The following PDZRN3 variants were observed in gnomAD, a reference collection of about 807,000 sequenced individuals.
PDZRN3 encodes E3 ubiquitin-protein ligase PDZRN3.
A neutral mutation model predicts 85.7 loss-of-function variants in PDZRN3; 38 were observed. The observed-to-expected ratio is 0.44, with a 90% confidence interval of 0.34 to 0.58. PDZRN3 has a LOEUF of 0.58. PDZRN3 is among the 20% of genes least tolerant of loss of function. The pLI is 0.01. For missense variants in PDZRN3, 1,629 were observed against 1,506.4 expected (o/e 1.08, Z -1.35); for synonymous variants, 759 against 638.0 (o/e 1.19, Z -2.86).
At chr3:73,398,521 C>T (rs1378101042) in intron 5 of PDZRN3, among the ~76,000 whole-genome samples, 1 of 152,162 alleles carries the variant, frequency 6.6e-6, no homozygotes, top group Admixed American at 6.5e-5. Context: ...TAGGTGAGAA[C>T]TCTACTTTGA....
Position 73,429,419 on chromosome 3 carries a change from C to T in PDZRN3, c.919-25024G>A, listed in dbSNP as rs541081153. ...GTCATTAATTGGGTCCATACTTAAT[C>T]GAACCGTGACCCATCTGACTCTCAG... On this transcript the variant is annotated intron_variant, in intron 3 of 9. Transcript: ENST00000263666. Among the ~76,000 whole-genome samples the T allele has an allele frequency of 2.6e-5, 4 of 152,158 alleles. No homozygotes were observed. In the South Asian group the frequency reaches 6.2e-4, roughly 24 times the overall value.
intron 1 of PDZRN3, among the ~76,000 whole-genome samples, chr3:73,609,415 G>C (rs1702650964): frequency 6.6e-6 from 1 of 152,128 alleles, no homozygotes. Context: ...GAGATGCCAG[G>C]GAGAGTGTTC....
rs1218849885 is a variant in PDZRN3 at position 73,624,474 on chromosome 3, C to A, written c.352G>T (p.Gly118Cys). The A allele has an allele frequency of 5.7e-6, 8 of 1,393,280 alleles. No homozygotes were observed. In the Admixed American group the frequency reaches 2.5e-4, roughly 44 times the overall value. 86.3% of individuals were successfully genotyped at this position (1,393,280 alleles called of 1,614,324 possible). A position where few individuals can be genotyped will look rare whatever the true frequency, so the allele number is the denominator to read the frequency against. Reference sequence around the variant, plus strand: ...ACGTCGCGCCGCAGCAGCACCTGGCCGCAACCCGCGTGGCGACAGCGCGCG... The same window carrying A: ...ACGTCGCGCCGCAGCAGCACCTGGCAGCAACCCGCGTGGCGACAGCGCGCG... ...APARCRHAGC[G>C]QVLLRRDVEA... is the part of the protein sequence containing the mutation. Residue 118 changes from glycine to cysteine, a missense_variant, in exon 1 of 10, where the codon GGC (glycine) becomes TGC (cysteine). By Grantham distance (159) the Gly-to-Cys change is radical (BLOSUM62 -3). Transcript: ENST00000263666.
chr3:73,474,863 C>G (rs933768979), intron 3 of PDZRN3, among the ~76,000 whole-genome samples: 1 of 152,118 alleles, frequency 6.6e-6, no homozygotes, highest in Non-Finnish European at 1.5e-5. Flanking sequence ...TCCTTCAGCC[C>G]TGGGGTGGCT....
intron 3 of PDZRN3, among the ~76,000 whole-genome samples, chr3:73,575,457 G>C (rs1445452460): frequency 2.0e-5 from 3 of 152,114 alleles, no homozygotes; most frequent in African/African-American, 7.2e-5. Flanking sequence ...TTTTCTCCCA[G>C]AATTTGATCA....
In PDZRN3 at chr3:73,525,606, T is replaced by C. The variant is rs1704504697; in HGVS notation, c.918+76748A>G. Among the ~76,000 whole-genome samples the C allele has an allele frequency of 2.6e-5, 4 of 152,252 alleles. No individual in the cohort carries two copies. The South Asian group carries it at 8.3e-4, about 32-fold the overall frequency. The stretch of plus-strand genomic sequence containing the variant: ...CTTCCAACTGATTGGGAATACGTTT[T>C]AAGCTCAAAGTATTCTTTACCAATA... On this transcript the variant is annotated intron_variant, in intron 3 of 9. Transcript: ENST00000263666.
At chr3:73,436,496 G>C (rs1031078697) in intron 3 of PDZRN3, among the ~76,000 whole-genome samples, 2 of 152,152 alleles carry the variant, frequency 1.3e-5, no homozygotes, top group African/African-American at 4.8e-5. Flanking sequence ...CCAAAGTTGA[G>C]GGCCTTTAAG....
intron 3 of PDZRN3, among the ~76,000 whole-genome samples, chr3:73,411,602 C>G (rs930735900): frequency 6.7e-6 from 1 of 149,540 alleles, no homozygotes; most frequent in African/African-American, 2.6e-5. Flanking sequence ...GTCGGGAGTC[C>G]ACCATAGTGG....
chr3:73,433,575 T>C, intron 3 of PDZRN3: 1 of 1,096,182 alleles, frequency 9.1e-7, no homozygotes, highest in Non-Finnish European at 1.3e-6. Context: ...CTACCTTTCC[T>C]AGAAGTTACA....
chr3:73,421,011 C>T lies in PDZRN3; in HGVS notation c.919-16616G>A, dbSNP rs139969790. Among the ~76,000 whole-genome samples, 175 of 152,290 alleles carry T rather than the reference C, an allele frequency of 1.1e-3. 1 individual carries two copies. Among genetic ancestry groups the T allele is most frequent in the Admixed American group, 6.6e-3 (101 of 15,288 alleles). ...TTATTTATAATACCTAATACAATGC[C>T]TACATCATGGGAATTCAACATAGTA... On this transcript the variant is annotated intron_variant, in intron 3 of 9. Transcript: ENST00000263666.
intron 9 of PDZRN3, among the ~76,000 whole-genome samples, chr3:73,385,238 T>C (rs1377512601): frequency 6.6e-6 from 1 of 152,216 alleles, no homozygotes; most frequent in Non-Finnish European, 1.5e-5. Flanking sequence ...GAAGGATGTA[T>C]AAAGGTCCTT....
intron 5 of PDZRN3, among the ~76,000 whole-genome samples, chr3:73,395,742 C>A (rs1701621950): frequency 6.6e-6 from 1 of 152,222 alleles, no homozygotes; most frequent in South Asian, 2.1e-4. Context: ...TTAAAGACTG[C>A]ATTTTCCCTC....
rs1472098094 is a variant in PDZRN3 at position 73,404,080 on chromosome 3, TAGAAG to T, written c.1166+63_1166+67del. 3.4e-6 allele frequency: 5 copies of T among 1,489,426 alleles called. 1 individual carries two copies. In the South Asian group the frequency reaches 3.9e-5, roughly 12 times the overall value. 92.3% of individuals were successfully genotyped at this position (1,489,426 alleles called of 1,614,324 possible). On this transcript the variant is annotated intron_variant, in intron 4 of 9. Transcript: ENST00000263666. The stretch of plus-strand genomic sequence containing the variant: ...GGGTGCATTAATTTTTTTCACCACA[TAGAAG>T]AGAAAGAAACCAACTTGGAAATACT...
chr3:73,416,841 C>T (rs1702091516), intron 3 of PDZRN3, among the ~76,000 whole-genome samples: 1 of 149,784 alleles, frequency 6.7e-6, no homozygotes, highest in African/African-American at 2.5e-5. Flanking sequence ...CCATCTTTAA[C>T]CTGCCTAGGT....
rs528453110 is a variant in PDZRN3, at chr3:73,597,347, G to T, written c.918+5007C>A. 3.5e-4 allele frequency among the ~76,000 whole-genome samples: 53 copies of T among 152,218 alleles called. 1 individual carries two copies. The highest frequency in any genetic ancestry group is 1.0e-4 in the Non-Finnish European group (7 of 68,008). On this transcript the variant is annotated intron_variant, in intron 3 of 9. Coordinates refer to ENST00000263666, the MANE Select transcript of PDZRN3 (RefSeq NM_015009.3). ...AATAAACAAAAAAAGAGAATGACCG[G>T]TTTACACAAAAGCCTTTGAGGTTCC...
intron 3 of PDZRN3, among the ~76,000 whole-genome samples, chr3:73,486,296 G>T (rs1179482111): frequency 6.6e-6 from 1 of 152,120 alleles, no homozygotes; most frequent in African/African-American, 2.4e-5. Flanking sequence ...CCATGGATAG[G>T]AGGGGTGGGA....
chr3:73,549,639 A>G (rs1300103235), intron 3 of PDZRN3, among the ~76,000 whole-genome samples: 3 of 152,224 alleles, frequency 2.0e-5, no homozygotes, highest in Admixed American at 2.0e-4. Context: ...AAATGGAACT[A>G]GAAGTCCCAA....
chr3:73,392,966 C>T (rs1339204293), intron 5 of PDZRN3, among the ~76,000 whole-genome samples: 1 of 152,092 alleles, frequency 6.6e-6, no homozygotes, highest in African/African-American at 2.4e-5. Context: ...AGTCATACAT[C>T]ATCCTCTTAT....
intron 3 of PDZRN3, among the ~76,000 whole-genome samples, chr3:73,458,198 T>C (rs148813371): frequency 6.6e-6 from 1 of 152,092 alleles, no homozygotes; most frequent in Non-Finnish European, 1.5e-5. Context: ...TGGGGTGGCT[T>C]TGCTTTCTTC....
Sources: gnomAD v4.1 joint callset for allele counts (sites outside exome capture counted in the v4.1 genomes callset) on GRCh38, gnomAD v4.1.1 for gene constraint, MANE v1.5 for transcripts, NCBI Gene and HGNC (gene_info 2026-07-23, HGNC 2026-07-21) for gene names.